The following CELF2 variants were observed in gnomAD, a reference collection of about 807,000 sequenced individuals.
CELF2 encodes the protein CUGBP Elav-like family member 2, also known as CUG triplet repeat RNA-binding protein 2.
A neutral mutation model predicts 62.6 loss-of-function variants in CELF2; 8 were observed. The observed-to-expected ratio is 0.13, with a 90% CI of 0.07 to 0.23. The LOEUF (loss-of-function observed/expected upper bound fraction) is 0.23, where lower values mean the gene tolerates loss of function less well. Among genes scored for constraint, CELF2 ranks in the 10% least tolerant of loss-of-function variants. The pLI, the probability that CELF2 is intolerant of heterozygous loss-of-function variation, is 1.00. For synonymous variants in CELF2, 258 were observed against 250.0 expected (o/e 1.03, Z -0.30); for missense variants, 333 against 671.0 (o/e 0.50, Z 5.56).
intron 1 of CELF2, among the ~76,000 whole-genome samples, chr10:11,134,753 G>A (rs914620362): frequency 9.2e-5 from 14 of 152,162 alleles, no homozygotes; most frequent in African/African-American, 2.2e-4. Flanking sequence ...AGCAGGGCAC[G>A]AGGAGAGAGC....
chr10:10,523,303 T>A, the CELF2 span, among the ~76,000 whole-genome samples: 4 of 152,248 alleles, frequency 2.6e-5, no homozygotes, highest in African/African-American at 9.6e-5. Flanking sequence ...TATACCTATA[T>A]CTTTCAATAG....
intron 2 of CELF2, among the ~76,000 whole-genome samples, chr10:10,932,934 A>T (rs1404108577): frequency 6.6e-6 from 1 of 152,154 alleles, no homozygotes; most frequent in Non-Finnish European, 1.5e-5. Context: ...ATGAAATATG[A>T]ATTAGAAAAG....
chr10:10,611,621 T>G, the CELF2 span, among the ~76,000 whole-genome samples: 2 of 152,140 alleles, frequency 1.3e-5, no homozygotes, highest in Admixed American at 6.6e-5. Flanking sequence ...CCCCAAAAAG[T>G]CAATGTCATC....
chr10:11,308,496 T>C (rs2094389416), intron 9 of CELF2, among the ~76,000 whole-genome samples: 1 of 152,228 alleles, frequency 6.6e-6, no homozygotes, highest in South Asian at 2.1e-4. Context: ...TATCTTCAAG[T>C]TCACTCATTC....
the CELF2 span, among the ~76,000 whole-genome samples, chr10:10,698,201 C>G: frequency 6.6e-6 from 1 of 152,162 alleles, no homozygotes; most frequent in South Asian, 2.1e-4. Context: ...GACAGTAAAT[C>G]TATGACAGAA....
the CELF2 span, among the ~76,000 whole-genome samples, chr10:10,701,395 A>T: frequency 7.2e-5 from 11 of 152,238 alleles, no homozygotes; most frequent in Non-Finnish European, 1.2e-4. Context: ...TTCTTTGTTC[A>T]CTTGTCAGAA....
chr10:10,892,553 T>A (rs1213174583), intron 1 of CELF2, among the ~76,000 whole-genome samples: 3 of 152,200 alleles, frequency 2.0e-5, no homozygotes, highest in Non-Finnish European at 4.4e-5. Flanking sequence ...GAAATAGAAA[T>A]CTCCGTTTAT....
chr10:10,655,993 C>G, the CELF2 span, among the ~76,000 whole-genome samples: 17 of 146,816 alleles, frequency 1.2e-4, no homozygotes, highest in Non-Finnish European at 2.6e-4. Context: ...GGCTAATATC[C>G]AGAATCTACA....
chr10:10,653,440 A>G, the CELF2 span, among the ~76,000 whole-genome samples: 3 of 147,972 alleles, frequency 2.0e-5, no homozygotes, highest in Non-Finnish European at 3.0e-5. Flanking sequence ...CACCACACCT[A>G]TTCCAAAATT....
chr10:11,024,596 G>C (rs930656284), intron 1 of CELF2, among the ~76,000 whole-genome samples: 1 of 151,924 alleles, frequency 6.6e-6, no homozygotes, highest in Middle Eastern at 3.4e-3. Context: ...GCAAGACTCC[G>C]TCTTCTTCTT....
chr10:10,869,239 A>C (rs1564743066), intron 1 of CELF2, among the ~76,000 whole-genome samples: 1 of 152,150 alleles, frequency 6.6e-6, no homozygotes, highest in Non-Finnish European at 1.5e-5. Context: ...TATCCTTCCA[A>C]TGAAGTTAGG....
rs190313908 is a variant in CELF2, at chr10:11,308,054, G to T, written c.977-6085G>T. 4.6e-5 allele frequency among the ~76,000 whole-genome samples: 7 copies of T among 152,330 alleles called. No homozygotes were observed. The East Asian group carries it at 1.3e-3, about 29-fold the overall frequency. ...TGTGTTTTGCTAGATATAAGATTCT[G>T]AGTTAATAGGTTTTTTCTTTTTAGC... On this transcript the variant is annotated intron_variant, in intron 9 of 12. Coordinates refer to ENST00000633077, the MANE Select transcript of CELF2 (RefSeq NM_001326342.2).
intron 1 of CELF2, among the ~76,000 whole-genome samples, chr10:10,844,024 G>T (rs764584789): frequency 1.8e-4 from 27 of 151,796 alleles, no homozygotes; most frequent in Non-Finnish European, 3.4e-4. Context: ...TTTGACCTCC[G>T]GGAATCTGTC....
intron 1 of CELF2, among the ~76,000 whole-genome samples, chr10:11,109,785 T>C (rs1025306089): frequency 1.3e-5 from 2 of 152,218 alleles, no homozygotes; most frequent in African/African-American, 4.8e-5. Flanking sequence ...GCAGGCCGGT[T>C]ATTTAACTCC....
chr10:10,617,860 C>T, the CELF2 span, among the ~76,000 whole-genome samples: 1 of 152,092 alleles, frequency 6.6e-6, no homozygotes, highest in African/African-American at 2.4e-5. Context: ...TTTACATTAA[C>T]ATTCCAATTC....
At chr10:11,289,537 T>C (rs1440907964) in intron 9 of CELF2, among the ~76,000 whole-genome samples, 1 of 152,168 alleles carries the variant, frequency 6.6e-6, no homozygotes, top group African/African-American at 2.4e-5. Flanking sequence ...GCATAAAACA[T>C]TGTGTATCTA....
chr10:10,737,113 G>A, the CELF2 span, among the ~76,000 whole-genome samples: 1 of 152,072 alleles, frequency 6.6e-6, no homozygotes, highest in African/African-American at 2.4e-5. Flanking sequence ...ATGGCAAGAG[G>A]AAAAAAGTAT....
chr10:11,166,040 A>T (rs1284507748), intron 2 of CELF2, among the ~76,000 whole-genome samples: 1 of 152,158 alleles, frequency 6.6e-6, no homozygotes, highest in East Asian at 1.9e-4. Context: ...GTATTTCAGG[A>T]CCTAACTCTT....
At chr10:10,663,324 G>T in the CELF2 span, among the ~76,000 whole-genome samples, 14 of 152,282 alleles carry the variant, frequency 9.2e-5, no homozygotes, top group African/African-American at 3.1e-4. Flanking sequence ...AAGGGGAATT[G>T]CCTCATATGT....
Sources: allele counts gnomAD v4.1 joint callset (sites outside exome capture counted in the v4.1 genomes callset), GRCh38; gene constraint gnomAD v4.1.1; transcripts MANE v1.5; gene names NCBI Gene and HGNC (gene_info 2026-07-23, HGNC 2026-07-21).